The following ADAM12 variants were observed in gnomAD, a reference collection of about 807,000 sequenced individuals.
ADAM12 encodes the protein disintegrin and metalloproteinase domain-containing protein 12.
Under a neutral mutation model 106.4 loss-of-function variants are expected in ADAM12, and 70 were observed. The observed-to-expected ratio is 0.66, with a 90% CI of 0.54 to 0.80. ADAM12 has a LOEUF of 0.80. Among genes scored for constraint, ADAM12 ranks in the 30% least tolerant of loss-of-function variants. ADAM12 has a pLI of 0.00. For synonymous variants in ADAM12, 420 were observed against 433.5 expected, an observed-to-expected ratio of 0.97 and a Z score of 0.39; for missense variants, 1,010 against 1,171.9, an observed-to-expected ratio of 0.86 and a Z score of 2.02.
At chr10:126,203,925 A>AGT (rs1565136198) in intron 3 of ADAM12, among the ~76,000 whole-genome samples, 82 of 122,252 alleles carry the variant, frequency 6.7e-4, no homozygotes, top group African/African-American at 2.1e-3. Flanking sequence ...AATCAGAGTG[A>AGT]GTGCGCGCGC....
At chr10:126,308,254 C>T (rs918595692) in intron 2 of ADAM12, among the ~76,000 whole-genome samples, 6 of 152,128 alleles carry the variant, frequency 3.9e-5, no homozygotes, top group African/African-American at 7.2e-5. Flanking sequence ...AAACTAGAAG[C>T]GTACTCTTTA....
chr10:126,268,285 T>C (rs1247192929), intron 3 of ADAM12, among the ~76,000 whole-genome samples: 1 of 152,258 alleles, frequency 6.6e-6, no homozygotes, highest in Non-Finnish European at 1.5e-5. Context: ...TCAAAGTTCA[T>C]GTGATGGCAT....
At chr10:126,075,187 T>C (rs775540141) in intron 11 of ADAM12, among the ~76,000 whole-genome samples, 12 of 152,222 alleles carry the variant, frequency 7.9e-5, no homozygotes, top group Non-Finnish European at 1.6e-4. Flanking sequence ...CGAATGGTGA[T>C]GAGGCTGAGA....
chr10:126,216,474 G>C (rs148171272), intron 3 of ADAM12, among the ~76,000 whole-genome samples: 118 of 152,332 alleles, frequency 7.7e-4, no homozygotes, highest in Non-Finnish European at 1.3e-3. Flanking sequence ...CCCCTGCCAA[G>C]ATGTATTCCA....
At chr10:126,145,691 A>G (rs975361538) in intron 4 of ADAM12, 2 of 152,262 alleles carry the variant, frequency 1.3e-5, no homozygotes, top group Non-Finnish European at 2.9e-5. Flanking sequence ...ATCTGGGTAT[A>G]AAGATAGCAA....
chr10:126,168,524 A>G lies in ADAM12; in HGVS notation c.261-13219T>C, dbSNP rs146066696. 4.8e-3 allele frequency among the ~76,000 whole-genome samples: 727 copies of G among 152,256 alleles called. 2 individuals are homozygous for G. The highest frequency in any genetic ancestry group is 8.1e-3 in the South Asian group (39 of 4,818). The stretch of plus-strand genomic sequence containing the variant: ...CAAATGGAAGCAATTATTATTATTA[A>G]TAAGTCCGCTGGCTTCCATTCGTCT... On this transcript the variant is annotated intron_variant, in intron 3 of 22. Coordinates refer to ENST00000448723, the MANE Select transcript of ADAM12 (RefSeq NM_001288973.2).
chr10:126,382,868 G>A (rs562062895), intron 1 of ADAM12, among the ~76,000 whole-genome samples: 5 of 152,166 alleles, frequency 3.3e-5, no homozygotes, highest in Middle Eastern at 3.4e-3. Flanking sequence ...AAAAGAAGAG[G>A]ACACTATAAT....
chr10:126,352,147 G>A (rs1040888300), intron 1 of ADAM12, among the ~76,000 whole-genome samples: 14 of 152,222 alleles, frequency 9.2e-5, no homozygotes, highest in African/African-American at 1.7e-4. Flanking sequence ...TCAGTTTCCC[G>A]TCAAGCCCTC....
intron 18 of ADAM12, chr10:126,041,980 T>C: frequency 7.0e-7 from 1 of 1,431,188 alleles, no homozygotes; most frequent in African/African-American, 1.4e-5. Flanking sequence ...AGGCTGGACT[T>C]CCCCTCCTGA....
intron 3 of ADAM12, among the ~76,000 whole-genome samples, chr10:126,227,530 C>T (rs1958221526): frequency 6.6e-6 from 1 of 152,154 alleles, no homozygotes; most frequent in Admixed American, 6.5e-5. Context: ...GCAGGTACGA[C>T]ACACAGGAGC....
At chr10:126,375,235 TG>T (rs1243887909) in intron 1 of ADAM12, among the ~76,000 whole-genome samples, 4 of 150,540 alleles carry the variant, frequency 2.7e-5, no homozygotes, top group Admixed American at 2.6e-4. Flanking sequence ...GGAAGTGGTT[TG>T]CAAGAAGCCA....
chr10:126,023,297 C>T (rs909555240), intron 21 of ADAM12, among the ~76,000 whole-genome samples: 2 of 152,092 alleles, frequency 1.3e-5, no homozygotes, highest in African/African-American at 4.8e-5. Flanking sequence ...TCTTCCATTT[C>T]CAGTAACATG....
Position 126,043,703 on chromosome 10 carries a change from G to A in ADAM12, c.1996-555C>T, listed in dbSNP as rs969997250. Among the ~76,000 whole-genome samples, 1 of 152,202 alleles carries A rather than the reference G, an allele frequency of 6.6e-6. No individual in the cohort carries two copies. The highest frequency in any genetic ancestry group is 6.5e-5 in the Admixed American group (1 of 15,286). ...ATCCTGTTTCCTGCAATCCTAGCAG[G>A]GTGCATGGGATTTCCACTAATACTT... On this transcript the variant is annotated intron_variant, in intron 17 of 22. Coordinates refer to ENST00000448723, the MANE Select transcript of ADAM12 (RefSeq NM_001288973.2). This position sits in a 1 kb window ranked among gnomAD's most constrained non-coding sequence, Gnocchi z 4.1.
At chr10:126,229,621 C>T (rs1359627965) in intron 3 of ADAM12, among the ~76,000 whole-genome samples, 1 of 126,080 alleles carries the variant, frequency 7.9e-6, no homozygotes, top group Admixed American at 8.1e-5. Context: ...CCTCCCCCTC[C>T]CTCTCCCCCT....
chr10:126,173,410 C>T (rs1055007071), intron 3 of ADAM12, among the ~76,000 whole-genome samples: 6 of 152,052 alleles, frequency 3.9e-5, no homozygotes, highest in East Asian at 1.9e-4. Flanking sequence ...AGCTGACAAT[C>T]GGTGCAGATG....
intron 1 of ADAM12, among the ~76,000 whole-genome samples, chr10:126,368,356 G>GTTTTTTTT (rs34317249): frequency 1.7e-5 from 2 of 118,402 alleles, no homozygotes; most frequent in Non-Finnish European, 3.6e-5. Flanking sequence ...TGTGTGATTT[G>GTTTTTTTT]TTTTTTTTTT....
intron 3 of ADAM12, among the ~76,000 whole-genome samples, chr10:126,243,828 G>A (rs573266620): frequency 6.6e-6 from 1 of 152,274 alleles, no homozygotes; most frequent in East Asian, 1.9e-4. Context: ...GAGGTAGGAG[G>A]GCTTCTGATT....
intron 3 of ADAM12, among the ~76,000 whole-genome samples, chr10:126,186,639 G>A (rs904886213): frequency 1.3e-5 from 2 of 152,072 alleles, no homozygotes; most frequent in Non-Finnish European, 2.9e-5. Flanking sequence ...GGCCATAGAG[G>A]GGGGCAGGAA....
intron 21 of ADAM12, among the ~76,000 whole-genome samples, chr10:126,026,320 G>A (rs1415224786): frequency 6.6e-6 from 1 of 152,100 alleles, no homozygotes; most frequent in African/African-American, 2.4e-5. Flanking sequence ...ATACCACCCA[G>A]ATTCAGAGAG....
Sources: gnomAD v4.1 joint callset for allele counts (sites outside exome capture counted in the v4.1 genomes callset) on GRCh38, gnomAD v4.1.1 for gene constraint, Gnocchi (gnomAD v3.1) non-coding constraint, MANE v1.5 for transcripts, NCBI Gene and HGNC (gene_info 2026-07-23, HGNC 2026-07-21) for gene names.